COL10A1: variants seen among roughly 807,000 people sequenced by gnomAD.
COL10A1 encodes collagen alpha-1(X) chain.
A neutral mutation model predicts 18.2 loss-of-function variants in COL10A1; 10 were observed. That is an observed-to-expected ratio of 0.55 (90% CI 0.34 to 0.93). The LOEUF is 0.93. Ranked by LOEUF, COL10A1 falls within the 40% of genes least tolerant of loss-of-function variation. The probability of loss-of-function intolerance (pLI) is 0.02; values close to 1 mark genes in which losing one functional copy is unlikely to be tolerated. For synonymous variants in COL10A1, 330 were observed against 316.6 expected (o/e 1.04, Z -0.45); for missense variants, 897 against 853.5 (o/e 1.05, Z -0.64).
the COL10A1 span, among the ~76,000 whole-genome samples, chr6:116,186,179 G>A: frequency 2.0e-5 from 3 of 151,976 alleles, no homozygotes; most frequent in African/African-American, 7.2e-5. Flanking sequence ...TTTTGTTTAA[G>A]GAGAACAAAG....
chr6:116,186,300 GA>G, the COL10A1 span, among the ~76,000 whole-genome samples: 1 of 150,754 alleles, frequency 6.6e-6, no homozygotes, highest in Non-Finnish European at 1.5e-5. Flanking sequence ...TAGCTCTTAA[GA>G]TTTTTTTTTT....
the COL10A1 span, among the ~76,000 whole-genome samples, chr6:116,171,928 AC>A: frequency 6.6e-6 from 1 of 152,188 alleles, no homozygotes; most frequent in African/African-American, 2.4e-5. Flanking sequence ...GAGTTTTCTG[AC>A]CTGCTTTGCT....
At chr6:116,193,064 T>C in the COL10A1 span, among the ~76,000 whole-genome samples, 636 of 152,234 alleles carry the variant, frequency 4.2e-3, 6 homozygotes, top group African/African-American at 0.015. Context: ...CTGTACAGAA[T>C]AGCTCCGTGC....
the COL10A1 span, among the ~76,000 whole-genome samples, chr6:116,181,654 T>C: frequency 6.6e-6 from 1 of 152,026 alleles, no homozygotes; most frequent in East Asian, 1.9e-4. Context: ...ACACAATCAA[T>C]TGGAAACTTA....
the COL10A1 span, among the ~76,000 whole-genome samples, chr6:116,190,565 A>T: frequency 6.6e-6 from 1 of 152,006 alleles, no homozygotes; most frequent in Admixed American, 6.6e-5. Flanking sequence ...AGCTAAAATT[A>T]AATTGAGAGG....
upstream of COL10A1, chr6:116,158,882 T>C (rs1319221615): frequency 6.6e-6 from 1 of 152,210 alleles, no homozygotes; most frequent in Non-Finnish European, 1.5e-5. Flanking sequence ...ATATCTGTTG[T>C]TTTCCAGCAG....
chr6:116,165,624 A>AC, the COL10A1 span, among the ~76,000 whole-genome samples: 2 of 152,206 alleles, frequency 1.3e-5, no homozygotes, highest in Non-Finnish European at 2.9e-5. Context: ...GCAGGAGATG[A>AC]CCCCCCTCTA....
chr6:116,138,882 T>C (rs1053035135), intron 1 of COL10A1, among the ~76,000 whole-genome samples: 2 of 152,180 alleles, frequency 1.3e-5, no homozygotes, highest in Non-Finnish European at 2.9e-5. Flanking sequence ...GTCTTGCTTT[T>C]GGTTTGATTT....
rs1780119857 is a variant in COL10A1, at chr6:116,154,046, T to A, written c.-16+4568A>T. Among the ~76,000 whole-genome samples, 6 of 151,194 alleles carry A rather than the reference T, an allele frequency of 4.0e-5. No individual in the cohort carries two copies. The South Asian group carries it at 1.3e-3, about 32-fold the overall frequency. On this transcript the variant is annotated intron_variant, in intron 1 of 1. Transcript: ENST00000418500. ...GAAGATTTCTTTTTTTTTTTTTTTT[T>A]TGAGACAGAGTCTGGTGATGGGCTA... is the stretch of plus-strand genomic sequence containing the variant.
chr6:116,203,241 A>G, the COL10A1 span, among the ~76,000 whole-genome samples: 3 of 151,774 alleles, frequency 2.0e-5, no homozygotes, highest in South Asian at 6.2e-4. Context: ...TTTTTATTCT[A>G]TTTCTTGGAT....
At chr6:116,155,074 G>A (rs1273282271) in intron 1 of COL10A1, among the ~76,000 whole-genome samples, 1 of 152,134 alleles carries the variant, frequency 6.6e-6, no homozygotes, top group Non-Finnish European at 1.5e-5. Context: ...TTAATATTAG[G>A]CTGGTGCAAA....
intron 1 of COL10A1, among the ~76,000 whole-genome samples, chr6:116,151,092 G>A (rs756610206): frequency 1.1e-4 from 17 of 151,870 alleles, no homozygotes; most frequent in Admixed American, 1.3e-4. Context: ...ATTTGCTCAG[G>A]GATTAGAATT....
chr6:116,145,246 T>C (rs1473546237), intron 1 of COL10A1, among the ~76,000 whole-genome samples: 1 of 151,980 alleles, frequency 6.6e-6, no homozygotes, highest in African/African-American at 2.4e-5. Context: ...CCAAAAGAAT[T>C]TGTTTAGAAA....
the COL10A1 span, among the ~76,000 whole-genome samples, chr6:116,215,190 A>T: frequency 6.6e-6 from 1 of 152,188 alleles, no homozygotes; most frequent in Non-Finnish European, 1.5e-5. Flanking sequence ...CATGAAGATA[A>T]GATGCCTAGG....
At chr6:116,146,164 G>A (rs961368971) in intron 1 of COL10A1, among the ~76,000 whole-genome samples, 3 of 152,196 alleles carry the variant, frequency 2.0e-5, no homozygotes, top group Admixed American at 1.3e-4. Context: ...GGTGTGGTGG[G>A]CAGTTTGAGG....
At chr6:116,209,901 A>G in the COL10A1 span, among the ~76,000 whole-genome samples, 10 of 152,140 alleles carry the variant, frequency 6.6e-5, 1 homozygote, top group Admixed American at 3.9e-4. Flanking sequence ...TCTTTAACAG[A>G]TAATGGTCAT....
the COL10A1 span, among the ~76,000 whole-genome samples, chr6:116,207,543 T>C: frequency 6.6e-6 from 1 of 152,086 alleles, no homozygotes; most frequent in Admixed American, 6.6e-5. Context: ...GTTTGAAAAG[T>C]ATATATGATT....
upstream of COL10A1, among the ~76,000 whole-genome samples, chr6:116,131,112 T>C (rs142082425): frequency 2.6e-3 from 394 of 152,324 alleles, 10 homozygotes; most frequent in South Asian, 0.043. Flanking sequence ...TGTTCGGATA[T>C]ATGTTTAACA....
intron 1 of COL10A1, among the ~76,000 whole-genome samples, chr6:116,135,870 T>TATATAC (rs1779585819): frequency 3.4e-5 from 4 of 119,272 alleles, no homozygotes; most frequent in South Asian, 2.4e-4. Context: ...TATATATATA[T>TATATAC]ATACACACAT....
Sources: allele counts gnomAD v4.1 joint callset (sites outside exome capture counted in the v4.1 genomes callset), GRCh38; gene constraint gnomAD v4.1.1; transcripts MANE v1.5; gene names NCBI Gene and HGNC (gene_info 2026-07-23, HGNC 2026-07-21).